SLC22A4: variants seen among roughly 807,000 people sequenced by gnomAD.
SLC22A4 encodes the protein solute carrier family 22 member 4, also known as ET transporter.
SLC22A4 carries 39 observed loss-of-function variants against 56.6 expected under a neutral mutation model. That is an observed-to-expected ratio of 0.69 (90% confidence interval 0.53 to 0.90). SLC22A4 has a LOEUF of 0.90. SLC22A4 is among the 40% of genes least tolerant of loss of function. The pLI, the probability that SLC22A4 is intolerant of heterozygous loss-of-function variation, is 0.00. For missense variants in SLC22A4, 594 were observed against 696.5 expected (o/e 0.85, Z 1.66); for synonymous variants, 241 against 281.4 (o/e 0.86, Z 1.44).
At chr5:132,315,617 G>C in intron 3 of SLC22A4, among the ~76,000 whole-genome samples, 1 of 152,190 alleles carries the variant, frequency 6.6e-6, no homozygotes, top group East Asian at 1.9e-4. Context: ...CCCACATGCA[G>C]GGTGAAGAAG....
intron 3 of SLC22A4, among the ~76,000 whole-genome samples, chr5:132,318,331 A>G (rs886963204): frequency 2.6e-5 from 4 of 152,208 alleles, no homozygotes; most frequent in East Asian, 1.9e-4. Context: ...GGCACTTTGC[A>G]TACATGATCT....
At chr5:132,340,736 C>T (rs1318515189) in intron 9 of SLC22A4, 36 bp downstream of exon 9, 12 of 1,595,628 alleles carry the variant, frequency 7.5e-6, no homozygotes, top group Non-Finnish European at 1.0e-5. Context: ...TACCAAAATG[C>T]CTTAGGGAGA....
chr5:132,340,610 CT>C lies in SLC22A4; in HGVS notation c.1491del (p.Val498SerfsTer2). Reference sequence around the variant, plus strand: ...CCCTACATCGTCATGGGTAGTCTGACTGTCCTGATTGGAATCCTCACCCTTT... The same window carrying C: ...CCCTACATCGTCATGGGTAGTCTGACGTCCTGATTGGAATCCTCACCCTTT... ...MLPYIVMGSL[T>X]VLIGILTLFF... On this transcript the variant is annotated frameshift_variant, in exon 9 of 10. Transcript: ENST00000200652. LOFTEE classifies it high-confidence loss of function. 6.2e-7 allele frequency: 1 copy of C among 1,613,906 alleles called. No homozygotes were observed. The highest frequency in any genetic ancestry group is 8.5e-7 in the Non-Finnish European group (1 of 1,179,802).
chr5:132,330,010 C>T (rs1750809886), intron 5 of SLC22A4, among the ~76,000 whole-genome samples: 1 of 152,230 alleles, frequency 6.6e-6, no homozygotes, highest in South Asian at 2.1e-4. Context: ...CACCCTGGAA[C>T]CCTCCAAGAA....
rs186023145 is a variant in SLC22A4, at chr5:132,298,328, C to T, written c.393+3319C>T. On this transcript the variant is annotated intron_variant, in intron 1 of 9. Transcript: ENST00000200652. ...TTTAAAAAGGAAGGACATGCTACAA[C>T]GTGGATAAACCTTGAGGAGACTACG... is the stretch of plus-strand genomic sequence containing the variant. 2.1e-3 allele frequency among the ~76,000 whole-genome samples: 326 copies of T among 152,328 alleles called. 2 individuals carry two copies. Among genetic ancestry groups the T allele is most frequent in the South Asian group, 0.019 (91 of 4,832 alleles).
At chr5:132,305,138 T>C (rs1381859169) in intron 1 of SLC22A4, among the ~76,000 whole-genome samples, 1 of 151,980 alleles carries the variant, frequency 6.6e-6, no homozygotes, top group African/African-American at 2.4e-5. Context: ...TAATTGAAAT[T>C]TAAAAGTAAC....
At chr5:132,337,275 T>TAA (rs1751053578) in intron 8 of SLC22A4, among the ~76,000 whole-genome samples, 1 of 43,544 alleles carries the variant, frequency 2.3e-5, no homozygotes, top group Non-Finnish European at 4.9e-5. Flanking sequence ...TTACCTTTTT[T>TAA]TTTTTTTTTT....
At chr5:132,313,860 C>A in intron 3 of SLC22A4, 92 bp downstream of exon 3, 2 of 1,358,394 alleles carry the variant, frequency 1.5e-6, no homozygotes, top group Non-Finnish European at 1.0e-6. Context: ...GCTGTGCTTC[C>A]AAAGCCTTTG....
intron 9 of SLC22A4, among the ~76,000 whole-genome samples, chr5:132,341,902 G>A (rs940268778): frequency 6.6e-6 from 1 of 151,936 alleles, no homozygotes; most frequent in African/African-American, 2.4e-5. Flanking sequence ...AGCCGAAATC[G>A]CGCCACTACA....
At position 132,344,092 on chromosome 5, in the gene SLC22A4, G is replaced by GTCCTTAC; in HGVS notation, c.*258_*259insCCTTACT. On this transcript the variant is annotated 3_prime_UTR_variant, in exon 10 of 10. Coordinates refer to ENST00000200652, the MANE Select transcript of SLC22A4 (RefSeq NM_003059.3). Reference sequence around the variant, plus strand: ...GATTGGTAAGATGTCTTGAAAACATGTTAGTCAAGGACTGGTAAAATACAT... The same window carrying GTCCTTAC: ...GATTGGTAAGATGTCTTGAAAACATGTCCTTACTTAGTCAAGGACTGGTAAAATACAT... 2.3e-6 allele frequency: 1 copy of GTCCTTAC among 444,356 alleles called. No homozygotes were observed. The highest frequency in any genetic ancestry group is 4.0e-6 in the Non-Finnish European group (1 of 249,756). 27.5% of individuals were successfully genotyped at this position (444,356 alleles called of 1,614,324 possible). A position where few individuals can be genotyped will look rare whatever the true frequency, so the allele number is the denominator to read the frequency against.
Position 132,309,670 on chromosome 5 carries a change from C to T in SLC22A4, c.394-2491C>T, listed in dbSNP as rs780970864. Among the ~76,000 whole-genome samples the T allele has an allele frequency of 4.6e-5, 7 of 152,242 alleles. No individual in the cohort carries two copies. The South Asian group carries it at 8.3e-4, about 18-fold the overall frequency. ...CATGCAACTGTGCAGTCACACAGAGCGCCACACTTGGTTTCAATGCTTTGC... is the reference window on the plus strand; with the variant it reads ...CATGCAACTGTGCAGTCACACAGAGTGCCACACTTGGTTTCAATGCTTTGC... On this transcript the variant is annotated intron_variant, in intron 1 of 9. Coordinates refer to ENST00000200652, the MANE Select transcript of SLC22A4 (RefSeq NM_003059.3).
At chr5:132,310,305 T>C (rs140985798) in intron 1 of SLC22A4, among the ~76,000 whole-genome samples, 225 of 152,332 alleles carry the variant, frequency 1.5e-3, no homozygotes, top group African/African-American at 5.1e-3. Context: ...TCATGAGGCT[T>C]TGGGCCTCAA....
intron 1 of SLC22A4, among the ~76,000 whole-genome samples, chr5:132,298,452 G>A (rs1254164258): frequency 6.6e-6 from 1 of 152,216 alleles, no homozygotes; most frequent in African/African-American, 2.4e-5. Context: ...GGTTGCCAGG[G>A]ACTGGAAGAA....
In SLC22A4 at chr5:132,331,376, G is replaced by A. The variant is rs7723100; in HGVS notation, c.952-380G>A. On this transcript the variant is annotated intron_variant, in intron 5 of 9. Transcript: ENST00000200652. The stretch of plus-strand genomic sequence containing the variant: ...AAACAGAGAAGTGTAAAAAGCAGAC[G>A]TGGCCTCAAGGAAGGGACTACATGG... Among the ~76,000 whole-genome samples the A allele has an allele frequency of 4.0e-3, 610 of 152,074 alleles. 3 individuals are homozygous for A. Among genetic ancestry groups the A allele is most frequent in the African/African-American group, 0.012 (482 of 41,502 alleles).
chr5:132,313,679 T>A lies in SLC22A4; in HGVS notation c.563T>A (p.Ile188Asn), dbSNP rs1221555462. ...CAGACTGGCTTCAGCTTCCTGCAGATTTTCTCCATCAGCTGGGAGATGTTC... is the reference window on the plus strand; with the variant it reads ...CAGACTGGCTTCAGCTTCCTGCAGAATTTCTCCATCAGCTGGGAGATGTTC... The part of the protein sequence containing the change: ...AVQTGFSFLQ[I>N]FSISWEMFTV... The change falls in exon 3 of 10, where the codon ATT becomes AAT. Residue 188 changes from isoleucine to asparagine, a missense_variant. Transcript: ENST00000200652. 4 of 1,614,074 alleles carry A rather than the reference T, an allele frequency of 2.5e-6. No homozygotes were observed. The highest frequency in any genetic ancestry group is 3.4e-6 in the Non-Finnish European group (4 of 1,180,014).
intron 7 of SLC22A4, 52 bp downstream of exon 7, chr5:132,334,984 C>A: frequency 8.0e-7 from 1 of 1,255,572 alleles, no homozygotes; most frequent in Non-Finnish European, 1.2e-6. Context: ...CACATATTGA[C>A]TAGGCTGCTT....
intron 8 of SLC22A4, among the ~76,000 whole-genome samples, chr5:132,336,398 C>A (rs1263380611): frequency 6.6e-6 from 1 of 152,088 alleles, no homozygotes; most frequent in African/African-American, 2.4e-5. Context: ...CTGGCAGGTG[C>A]CTGTAATCCC....
intron 1 of SLC22A4, among the ~76,000 whole-genome samples, chr5:132,298,382 A>C (rs191982361): frequency 6.4e-4 from 97 of 152,356 alleles, no homozygotes; most frequent in Non-Finnish European, 1.2e-3. Flanking sequence ...TCACAAGACA[A>C]ATTATTTTCT....
intron 1 of SLC22A4, among the ~76,000 whole-genome samples, chr5:132,301,852 G>T (rs1221483563): frequency 2.6e-5 from 4 of 152,174 alleles, no homozygotes; most frequent in African/African-American, 7.2e-5. Context: ...AGGCTGCCCT[G>T]GGACATTGCT....
Sources: allele counts gnomAD v4.1 joint callset (sites outside exome capture counted in the v4.1 genomes callset), GRCh38; gene constraint gnomAD v4.1.1; transcripts MANE v1.5; gene names NCBI Gene and HGNC (gene_info 2026-07-23, HGNC 2026-07-21).